Variants in SLC17A5 observed in about 807,000 individuals in gnomAD.
SLC17A5 encodes solute carrier family 17 member 5.
SLC17A5 carries 47 observed loss-of-function variants against 59.4 expected under a neutral mutation model. The ratio of observed to expected loss-of-function variants is 0.79; its 90% CI spans 0.63 to 1.01. The LOEUF is 1.01. Among genes scored for constraint, SLC17A5 ranks in the 50% least tolerant of loss-of-function variants. The probability of loss-of-function intolerance (pLI) is 0.00; values close to 1 mark genes in which losing one functional copy is unlikely to be tolerated. For missense variants in SLC17A5, 522 were observed against 595.5 expected, an observed-to-expected ratio of 0.88 and a Z score of 1.28; for synonymous variants, 202 against 210.7, an observed-to-expected ratio of 0.96 and a Z score of 0.36.
chr6:73,600,536 T>A, intron 9 of SLC17A5, 95 bp from the exon 10 acceptor site: 1 of 977,116 alleles, frequency 1.0e-6, no homozygotes, highest in Non-Finnish European at 1.6e-6. Context: ...TGAGACAGAG[T>A]CTCACTCTGT....
intron 6 of SLC17A5, among the ~76,000 whole-genome samples, chr6:73,631,439 T>C (rs1768709257): frequency 6.6e-6 from 1 of 151,268 alleles, no homozygotes; most frequent in African/African-American, 2.5e-5. Context: ...AAATTCATCA[T>C]AGAATTATCA....
chr6:73,644,732 A>G lies in SLC17A5; in HGVS notation c.95-129T>C, dbSNP rs563076986. 6.3e-4 allele frequency: 523 copies of G among 832,958 alleles called. 7 individuals are homozygous for G. The South Asian group carries it at 6.3e-3, about 10-fold the overall frequency. 51.6% of individuals were successfully genotyped at this position (832,958 alleles called of 1,614,324 possible). On this transcript the variant is annotated intron_variant, in intron 1 of 10. Transcript: ENST00000355773. ...AGCCATCCACCCACCTCAGCCTCCC[A>G]AAGTGCTGTGATTATAGGCATTGGC...
chr6:73,615,591 A>G, intron 7 of SLC17A5, 144 bp from the exon 8 acceptor site: 2 of 843,248 alleles, frequency 2.4e-6, no homozygotes, highest in Non-Finnish European at 3.8e-6. Flanking sequence ...AATTACAGTA[A>G]ATAAGTCTGG....
chr6:73,612,694 C>T (rs557592900), intron 8 of SLC17A5, among the ~76,000 whole-genome samples: 3 of 152,206 alleles, frequency 2.0e-5, no homozygotes, highest in African/African-American at 4.8e-5. Flanking sequence ...CTCACCTTAG[C>T]CTCTGGAGTA....
chr6:73,617,284 G>A (rs891226363), intron 7 of SLC17A5, among the ~76,000 whole-genome samples: 3 of 150,800 alleles, frequency 2.0e-5, no homozygotes, highest in African/African-American at 7.3e-5. Context: ...GACAGAGCAA[G>A]ACTCTGTCTC....
chr6:73,619,896 TTTTGTTAATATGATTTTGAGAA>T (rs1316092257), intron 7 of SLC17A5, among the ~76,000 whole-genome samples: 7 of 151,802 alleles, frequency 4.6e-5, no homozygotes, highest in Non-Finnish European at 1.0e-4. Flanking sequence ...AAATAAGATA[TTTTGTTAATATGATTTTGAGAA>T]TTTGTTTTTT....
At chr6:73,604,936 CATATT>C (rs1240688306) in intron 9 of SLC17A5, among the ~76,000 whole-genome samples, 2 of 152,112 alleles carry the variant, frequency 1.3e-5, no homozygotes, top group South Asian at 2.1e-4. Flanking sequence ...TTTTATATAT[CATATT>C]ATATCATTTT....
chr6:73,636,734 T>C (rs1561997945), intron 4 of SLC17A5, 27 bp from the exon 5 acceptor site: 2 of 1,520,176 alleles, frequency 1.3e-6, no homozygotes, highest in Middle Eastern at 1.7e-4. Flanking sequence ...GACTATTTTA[T>C]AAACTTTGGA....
At chr6:73,649,674 GT>G (rs1487924921) in intron 1 of SLC17A5, among the ~76,000 whole-genome samples, 1 of 152,166 alleles carries the variant, frequency 6.6e-6, no homozygotes, top group African/African-American at 2.4e-5. Context: ...CTGAATTAGG[GT>G]TATTATAAGG....
intron 10 of SLC17A5, among the ~76,000 whole-genome samples, chr6:73,597,932 T>C (rs965548790): frequency 5.1e-4 from 78 of 152,292 alleles, no homozygotes; most frequent in African/African-American, 1.8e-3. Context: ...AAACACCCTG[T>C]GGTGGCTATA....
chr6:73,624,622 T>A (rs1048645029), intron 6 of SLC17A5, among the ~76,000 whole-genome samples: 2 of 152,086 alleles, frequency 1.3e-5, no homozygotes, highest in Admixed American at 1.3e-4. Flanking sequence ...ATGCCAGTAA[T>A]CCCAGCACTT....
At chr6:73,645,494 A>T in intron 1 of SLC17A5, 1 of 984,188 alleles carries the variant, frequency 1.0e-6, no homozygotes, top group Non-Finnish European at 1.2e-6. Context: ...ACCATGATTA[A>T]AAAAAAAGGA....
chr6:73,635,501 C>CG lies in SLC17A5; in HGVS notation c.701-2_701-1insC. Reference sequence around the variant, plus strand: ...AGAAACCAAAATATTCCAATAGTACCTTAAAATAGAAAAATAATAGTTAGA... The same window carrying CG: ...AGAAACCAAAATATTCCAATAGTACCGTTAAAATAGAAAAATAATAGTTAGA... On this transcript the variant is annotated splice_acceptor_variant, in intron 5 of 10. Transcript: ENST00000355773. LOFTEE classifies it high-confidence loss of function. 1 of 1,427,222 alleles carries CG rather than the reference C, an allele frequency of 7.0e-7. No homozygotes were observed. The highest frequency in any genetic ancestry group is 2.3e-5 in the East Asian group (1 of 43,488). The allele number at this position is 1,427,222 out of a possible 1,614,324, so 88.4% of individuals were successfully genotyped here.
At chr6:73,618,212 G>C (rs931418813) in intron 7 of SLC17A5, 2 of 151,368 alleles carry the variant, frequency 1.3e-5, no homozygotes, top group African/African-American at 4.9e-5. Flanking sequence ...CTGGGCAACA[G>C]AGCAAGACTC....
At chr6:73,615,179 A>C in intron 8 of SLC17A5, 136 bp downstream of exon 8, 1 of 972,474 alleles carries the variant, frequency 1.0e-6, no homozygotes, top group Non-Finnish European at 1.6e-6. Flanking sequence ...TTTGGTGATT[A>C]GAGCGAGGTG....
chr6:73,650,507 C>CAAAAAAA (rs999445559), intron 1 of SLC17A5, among the ~76,000 whole-genome samples: 20 of 35,458 alleles, frequency 5.6e-4, no homozygotes, highest in Non-Finnish European at 8.9e-4. Flanking sequence ...GACTCCGTCT[C>CAAAAAAA]AAAAAAAAAA....
At chr6:73,602,853 T>G (rs1449952017) in intron 9 of SLC17A5, among the ~76,000 whole-genome samples, 1 of 152,068 alleles carries the variant, frequency 6.6e-6, no homozygotes, top group East Asian at 1.9e-4. Context: ...AGGAAAGTTC[T>G]GAGATATCAT....
intron 6 of SLC17A5, among the ~76,000 whole-genome samples, chr6:73,630,067 A>G (rs1032456882): frequency 6.6e-6 from 1 of 150,808 alleles, no homozygotes; most frequent in Non-Finnish European, 1.5e-5. Context: ...ATCTTGGCTC[A>G]CTGTAACCTC....
chr6:73,606,196 C>A (rs1238897707), intron 9 of SLC17A5, among the ~76,000 whole-genome samples: 1 of 151,936 alleles, frequency 6.6e-6, no homozygotes, highest in Non-Finnish European at 1.5e-5. Flanking sequence ...TCGCCCGCCA[C>A]CACACCTGGT....
Sources: gnomAD v4.1 joint callset for allele counts (sites outside exome capture counted in the v4.1 genomes callset) on GRCh38, gnomAD v4.1.1 for gene constraint, MANE v1.5 for transcripts, NCBI Gene and HGNC (gene_info 2026-07-23, HGNC 2026-07-21) for gene names.